The following METTL2A variants were observed in gnomAD, a reference collection of about 807,000 sequenced individuals.
METTL2A encodes the protein tRNA N(3)-cytidine methyltransferase METTL2A.
A neutral mutation model predicts 49.4 loss-of-function variants in METTL2A; 45 were observed. The ratio of observed to expected loss-of-function variants is 0.91; its 90% CI spans 0.72 to 1.17. METTL2A has a LOEUF of 1.17. METTL2A is among the 50% of genes most tolerant of loss of function. The pLI is 0.00. For synonymous variants in METTL2A, 118 were observed against 167.5 expected, an observed-to-expected ratio of 0.70 and a Z score of 2.28; for missense variants, 361 against 462.2, an observed-to-expected ratio of 0.78 and a Z score of 2.01.
At chr17:62,430,471 G>C (rs1165552246) in intron 4 of METTL2A, among the ~76,000 whole-genome samples, 2 of 152,044 alleles carry the variant, frequency 1.3e-5, no homozygotes, top group Non-Finnish European at 2.9e-5. Flanking sequence ...TTAAATTGTT[G>C]GGCATAGTTT....
At chr17:62,441,379 C>T (rs374751663) in intron 6 of METTL2A, among the ~76,000 whole-genome samples, 34 of 152,220 alleles carry the variant, frequency 2.2e-4, no homozygotes, top group African/African-American at 7.9e-4. Context: ...CATCACATGC[C>T]GTTTTAGAAC....
chr17:62,430,618 T>G (rs1308583784), intron 4 of METTL2A, among the ~76,000 whole-genome samples: 2 of 152,186 alleles, frequency 1.3e-5, no homozygotes, highest in East Asian at 3.8e-4. Flanking sequence ...ATTTCCTTCC[T>G]TCCTCACATT....
At chr17:62,436,218 G>A (rs2070699312) in intron 5 of METTL2A, among the ~76,000 whole-genome samples, 1 of 152,154 alleles carries the variant, frequency 6.6e-6, no homozygotes, top group African/African-American at 2.4e-5. Flanking sequence ...ACTCCAGCTA[G>A]ACAACAGAGT....
intron 4 of METTL2A, among the ~76,000 whole-genome samples, chr17:62,434,189 T>C (rs957227776): frequency 4.6e-5 from 7 of 152,208 alleles, no homozygotes; most frequent in African/African-American, 1.7e-4. Context: ...CACTCTCCCT[T>C]ATGATGGTCA....
chr17:62,440,204 T>C (rs907307060), intron 5 of METTL2A, among the ~76,000 whole-genome samples: 1 of 152,080 alleles, frequency 6.6e-6, no homozygotes, highest in African/African-American at 2.4e-5. Context: ...TTTGTATTTT[T>C]AGTAGAGATG....
intron 7 of METTL2A, among the ~76,000 whole-genome samples, chr17:62,446,002 C>T (rs957968370): frequency 6.6e-6 from 1 of 151,980 alleles, no homozygotes; most frequent in Admixed American, 6.6e-5. Flanking sequence ...AAAAAACAGG[C>T]GAGGAGTATT....
chr17:62,438,815 G>C (rs949190997), intron 5 of METTL2A, among the ~76,000 whole-genome samples: 2 of 151,800 alleles, frequency 1.3e-5, no homozygotes, highest in South Asian at 2.1e-4. Flanking sequence ...GTTTTAAATC[G>C]TGTGCTTTGT....
chr17:62,451,008 A>G lies in METTL2A; in HGVS notation c.*2279A>G, dbSNP rs1169382042. Among the ~76,000 whole-genome samples the G allele has an allele frequency of 6.6e-6, 1 of 152,206 alleles. No individual in the cohort carries two copies. Among genetic ancestry groups the G allele is most frequent in the Non-Finnish European group, 1.5e-5 (1 of 68,034 alleles). ...AGCCACTAACCATTCATGTTTACCC[A>G]GTAGTCCCAATAATAGCTTTGTCAC... On this transcript the variant is annotated 3_prime_UTR_variant, in exon 9 of 9. Transcript: ENST00000311506.
At chr17:62,444,071 G>A (rs759538483) in intron 6 of METTL2A, among the ~76,000 whole-genome samples, 27 of 152,146 alleles carry the variant, frequency 1.8e-4, no homozygotes, top group Non-Finnish European at 3.5e-4. Context: ...TGTATTGTAA[G>A]TTCTTGAGGA....
At chr17:62,429,899 G>T (rs1343492451) in intron 4 of METTL2A, among the ~76,000 whole-genome samples, 1 of 152,180 alleles carries the variant, frequency 6.6e-6, no homozygotes, top group Non-Finnish European at 1.5e-5. Context: ...TCGAACTCCT[G>T]ACCTCAAGTG....
chr17:62,448,439 C>T, intron 8 of METTL2A, 136 bp from the exon 9 acceptor site: 4 of 1,475,770 alleles, frequency 2.7e-6, no homozygotes, highest in Non-Finnish European at 3.6e-6. Flanking sequence ...CAAGCCACCA[C>T]TGCATTTATA....
In METTL2A at chr17:62,444,947, T is replaced by C; in HGVS notation, c.916+4T>C. On this transcript the variant is annotated splice_donor_region_variant and intron_variant, in intron 7 of 8. Coordinates refer to ENST00000311506, the MANE Select transcript of METTL2A (RefSeq NM_181725.4). ...GCTCAGCTTCGGTTTAAAAAAGGTA[T>C]TTTGAAAGTGCTGAATCCTAACCAC... The C allele has an allele frequency of 6.2e-7, 1 of 1,613,216 alleles. No individual in the cohort carries two copies. The highest frequency in any genetic ancestry group is 8.5e-7 in the Non-Finnish European group (1 of 1,179,470).
chr17:62,444,822 C>T lies in METTL2A; in HGVS notation c.810-15C>T, dbSNP rs529659653. On this transcript the variant is annotated splice_polypyrimidine_tract_variant and intron_variant, in intron 6 of 8. Coordinates refer to ENST00000311506, the MANE Select transcript of METTL2A (RefSeq NM_181725.4). ...AAGGAGACCTGATTGACCGTCATTC[C>T]CTGCTGCTCCACAGGATGCAGAAGG... 3.7e-6 allele frequency: 6 copies of T among 1,613,320 alleles called. No homozygotes were observed. The African/African-American group carries it at 5.3e-5, about 14-fold the overall frequency.
rs952244407 is a variant in METTL2A at position 62,430,122 on chromosome 17, A to G, written c.608+2285A>G. Reference sequence around the variant, plus strand: ...CAGGATTAAGTAAAACATTAGCCTCATTACTAATATACACTTAAATATTTC... The same window carrying G: ...CAGGATTAAGTAAAACATTAGCCTCGTTACTAATATACACTTAAATATTTC... On this transcript the variant is annotated intron_variant, in intron 4 of 8. Coordinates refer to ENST00000311506, the MANE Select transcript of METTL2A (RefSeq NM_181725.4). Among the ~76,000 whole-genome samples, 5 of 152,358 alleles carry G rather than the reference A, an allele frequency of 3.3e-5. No individual in the cohort carries two copies. The East Asian group carries it at 9.6e-4, about 29-fold the overall frequency.
intron 8 of METTL2A, 23 bp downstream of exon 8, chr17:62,447,789 C>T: frequency 6.2e-6 from 10 of 1,613,388 alleles, no homozygotes; most frequent in Non-Finnish European, 8.5e-6. Context: ...CATCTTTTTA[C>T]ACTAAAAGTC....
At chr17:62,424,924 A>T (rs1454411944) in intron 2 of METTL2A, among the ~76,000 whole-genome samples, 1 of 151,454 alleles carries the variant, frequency 6.6e-6, no homozygotes, top group Non-Finnish European at 1.5e-5. Context: ...ACAATTGAAG[A>T]TAGGACTACA....
rs367652985 is a variant in METTL2A, at chr17:62,448,835, A to T, written c.*106A>T. 33 of 1,514,154 alleles carry T rather than the reference A, an allele frequency of 2.2e-5. No homozygotes were observed. The highest frequency in any genetic ancestry group is 1.6e-4 in the East Asian group (7 of 43,508). The allele number at this position is 1,514,154 out of a possible 1,614,324, so 93.8% of individuals were successfully genotyped here. ...TGCATGCCTGTAATCCCAGCCACTCAGGAGGCTGAGGCGGGGAGGATCCAT... is the reference window on the plus strand; with the variant it reads ...TGCATGCCTGTAATCCCAGCCACTCTGGAGGCTGAGGCGGGGAGGATCCAT... On this transcript the variant is annotated 3_prime_UTR_variant, in exon 9 of 9. Transcript: ENST00000311506.
Position 62,444,675 on chromosome 17 carries a change from T to G in METTL2A, c.810-162T>G, listed in dbSNP as rs183968248. Among the ~76,000 whole-genome samples, 367 of 152,328 alleles carry G rather than the reference T, an allele frequency of 2.4e-3. 2 individuals carry two copies. Among genetic ancestry groups the G allele is most frequent in the African/African-American group, 8.4e-3 (351 of 41,582 alleles). Reference sequence around the variant, plus strand: ...GAGGCCACAGCTGTGAGCAGGCAGCTAATGTCCTTCAGTTCTAACTGAAGC... The same window carrying G: ...GAGGCCACAGCTGTGAGCAGGCAGCGAATGTCCTTCAGTTCTAACTGAAGC... On this transcript the variant is annotated intron_variant, in intron 6 of 8. Transcript: ENST00000311506.
intron 6 of METTL2A, 48 bp downstream of exon 6, chr17:62,440,804 G>T (rs2070734715): frequency 6.3e-7 from 1 of 1,588,768 alleles, no homozygotes; most frequent in Non-Finnish European, 8.5e-7. Flanking sequence ...GGAAGCTTTG[G>T]TGAGGGACCT....
Sources: allele counts gnomAD v4.1 joint callset (sites outside exome capture counted in the v4.1 genomes callset), GRCh38; gene constraint gnomAD v4.1.1; transcripts MANE v1.5; gene names NCBI Gene and HGNC (gene_info 2026-07-23, HGNC 2026-07-21).